RAPGEF4: variants seen among roughly 807,000 people sequenced by gnomAD.
The protein encoded by RAPGEF4 is Rap guanine nucleotide exchange factor 4.
Under a neutral mutation model 147.9 loss-of-function variants are expected in RAPGEF4, and 66 were observed. The ratio of observed to expected loss-of-function variants is 0.45; its 90% CI spans 0.37 to 0.55. The LOEUF is 0.55. RAPGEF4 is among the 20% of genes least tolerant of loss of function. The probability of loss-of-function intolerance (pLI) is 0.00; values close to 1 mark genes in which losing one functional copy is unlikely to be tolerated. For synonymous variants in RAPGEF4, 419 were observed against 442.7 expected (o/e 0.95, Z 0.67); for missense variants, 1,071 against 1,257.3 (o/e 0.85, Z 2.24).
At chr2:172,932,598 A>G (rs1161056027) in intron 6 of RAPGEF4, among the ~76,000 whole-genome samples, 2 of 152,230 alleles carry the variant, frequency 1.3e-5, no homozygotes, top group Non-Finnish European at 2.9e-5. Context: ...ATTCTACTGT[A>G]ACATATTGTT....
intron 6 of RAPGEF4, among the ~76,000 whole-genome samples, chr2:172,943,963 C>G (rs1458348146): frequency 3.3e-5 from 5 of 152,164 alleles, no homozygotes; most frequent in African/African-American, 1.2e-4. Context: ...GAAGCAATGA[C>G]ATTACCAGAT....
intron 7 of RAPGEF4, 98 bp downstream of exon 7, chr2:172,960,911 G>T: frequency 9.4e-7 from 1 of 1,063,310 alleles, no homozygotes; most frequent in South Asian, 1.5e-5. Context: ...GGAAGCCTCT[G>T]ATACATTTTC....
chr2:172,771,783 T>C (rs1683643125), intron 1 of RAPGEF4, among the ~76,000 whole-genome samples: 1 of 152,152 alleles, frequency 6.6e-6, no homozygotes, highest in South Asian at 2.1e-4. Context: ...AATGTTTATG[T>C]GCATCTGCAA....
chr2:172,770,259 C>T (rs1022314388), intron 1 of RAPGEF4, among the ~76,000 whole-genome samples: 1 of 152,150 alleles, frequency 6.6e-6, no homozygotes, highest in East Asian at 1.9e-4. Flanking sequence ...CTGGGGCAGT[C>T]ACACATCTGT....
At chr2:173,021,579 C>T (rs912935625) in intron 23 of RAPGEF4, among the ~76,000 whole-genome samples, 8 of 152,166 alleles carry the variant, frequency 5.3e-5, no homozygotes, top group African/African-American at 1.9e-4. Flanking sequence ...CAGAGCGAGA[C>T]TCTGCCTCAA....
At chr2:172,966,257 T>C (rs1032177190) in intron 9 of RAPGEF4, among the ~76,000 whole-genome samples, 1 of 152,228 alleles carries the variant, frequency 6.6e-6, no homozygotes, top group Non-Finnish European at 1.5e-5. Context: ...CAAACTCTTA[T>C]GCCATTTGTT....
chr2:172,802,298 A>T (rs886560015), intron 3 of RAPGEF4, among the ~76,000 whole-genome samples: 2 of 152,216 alleles, frequency 1.3e-5, no homozygotes, highest in African/African-American at 2.4e-5. Context: ...TACAAAAGAA[A>T]TGAGTTTATT....
At chr2:172,742,742 T>A (rs530617068) in intron 1 of RAPGEF4, among the ~76,000 whole-genome samples, 38 of 152,348 alleles carry the variant, frequency 2.5e-4, no homozygotes, top group African/African-American at 8.7e-4. Flanking sequence ...GTGCTGATTT[T>A]ACTTGCTTTA....
At chr2:172,781,320 G>A (rs901517177) in intron 1 of RAPGEF4, among the ~76,000 whole-genome samples, 2 of 152,166 alleles carry the variant, frequency 1.3e-5, no homozygotes, top group Non-Finnish European at 2.9e-5. Context: ...ACTTCAGTCA[G>A]AAGAATAAGA....
chr2:172,829,857 C>A (rs1224385823), intron 4 of RAPGEF4, among the ~76,000 whole-genome samples: 1 of 150,548 alleles, frequency 6.6e-6, no homozygotes, highest in Non-Finnish European at 1.5e-5. Flanking sequence ...GGAGGGTCAG[C>A]AAAGAGGGAT....
intron 4 of RAPGEF4, among the ~76,000 whole-genome samples, chr2:172,817,135 G>T (rs1688588504): frequency 1.3e-5 from 2 of 152,186 alleles, no homozygotes; most frequent in African/African-American, 4.8e-5. Flanking sequence ...TATGTGTTAG[G>T]TATATGTATA....
chr2:173,036,326 G>T, intron 28 of RAPGEF4, 114 bp downstream of exon 28: 2 of 866,816 alleles, frequency 2.3e-6, no homozygotes, highest in Non-Finnish European at 3.7e-6. Flanking sequence ...CCATCCTTCT[G>T]CCTTCTTTGT....
intron 17 of RAPGEF4, among the ~76,000 whole-genome samples, chr2:173,002,824 CTG>C (rs1461533307): frequency 6.6e-6 from 1 of 152,130 alleles, no homozygotes; most frequent in African/African-American, 2.4e-5. Context: ...TGCCTGGAAA[CTG>C]TTTTACCGAG....
At chr2:173,027,963 A>ACTTCTTT (rs1160547181) in intron 25 of RAPGEF4, among the ~76,000 whole-genome samples, 14 of 152,162 alleles carry the variant, frequency 9.2e-5, no homozygotes, top group African/African-American at 2.4e-4. Context: ...TGGCTGTGAG[A>ACTTCTTT]CTTCTTTCCT....
chr2:172,952,292 T>C (rs1384870304), intron 6 of RAPGEF4, among the ~76,000 whole-genome samples: 1 of 152,094 alleles, frequency 6.6e-6, no homozygotes, highest in Admixed American at 6.6e-5. Flanking sequence ...AATCTTAACA[T>C]TTGTTTTATT....
At chr2:172,825,098 G>A (rs1413752840) in intron 4 of RAPGEF4, among the ~76,000 whole-genome samples, 3 of 152,062 alleles carry the variant, frequency 2.0e-5, no homozygotes, top group Admixed American at 6.6e-5. Flanking sequence ...CTTATGATGG[G>A]GATGCACCTA....
chr2:172,794,948 A>G (rs1686222446), intron 1 of RAPGEF4, 77 bp from the exon 2 acceptor site: 8 of 1,388,152 alleles, frequency 5.8e-6, no homozygotes, highest in Non-Finnish European at 7.9e-6. Flanking sequence ...TTTGAATATA[A>G]TTAAAATGAG....
intron 4 of RAPGEF4, among the ~76,000 whole-genome samples, chr2:172,824,706 CT>C (rs1689476058): frequency 6.6e-6 from 1 of 152,160 alleles, no homozygotes; most frequent in Non-Finnish European, 1.5e-5. Flanking sequence ...ACAAATGCAC[CT>C]TCTCTTAACA....
At chr2:172,849,578 C>A (rs1412464229) in intron 4 of RAPGEF4, among the ~76,000 whole-genome samples, 1 of 152,216 alleles carries the variant, frequency 6.6e-6, no homozygotes, top group Non-Finnish European at 1.5e-5. Context: ...TCTTCAGGGC[C>A]TTGTTTAGCC....
Sources: allele counts gnomAD v4.1 joint callset (sites outside exome capture counted in the v4.1 genomes callset), GRCh38; gene constraint gnomAD v4.1.1; transcripts MANE v1.5; gene names NCBI Gene and HGNC (gene_info 2026-07-23, HGNC 2026-07-21).